The following MIA3 variants were observed in gnomAD, a reference collection of about 807,000 sequenced individuals.
MIA3 encodes MIA SH3 domain ER export factor 3, also known as transport and Golgi organization protein 1 homolog.
A neutral mutation model predicts 192.4 loss-of-function variants in MIA3; 90 were observed. That is an observed-to-expected ratio of 0.47 (90% CI 0.39 to 0.56). The LOEUF is 0.56. Among genes scored for constraint, MIA3 ranks in the 20% least tolerant of loss-of-function variants. The pLI is 0.00. For synonymous variants in MIA3, 740 were observed against 792.8 expected (o/e 0.93, Z 1.12); for missense variants, 2,123 against 2,269.4 (o/e 0.94, Z 1.31).
At position 222,618,262 on chromosome 1, in the gene MIA3, C is replaced by T. The variant is rs1401902256; in HGVS notation, c.133+19C>T. On this transcript the variant is annotated intron_variant, in intron 1 of 27. Transcript: ENST00000344922. ...TGCAGCAGTGAGTGCGCTGGAGGGG[C>T]GGCTGGCCTCGGGGCGGCTGGCCTT... 5.1e-6 allele frequency: 7 copies of T among 1,382,918 alleles called. No homozygotes were observed. The highest frequency in any genetic ancestry group is 6.7e-6 in the Non-Finnish European group (7 of 1,044,032). The allele number at this position is 1,382,918 out of a possible 1,614,324, so 85.7% of individuals were successfully genotyped here. A position where few individuals can be genotyped will look rare whatever the true frequency, so the allele number is the denominator to read the frequency against.
chr1:222,661,334 G>A (rs967351913), intron 24 of MIA3: 1 of 152,278 alleles, frequency 6.6e-6, no homozygotes, highest in Non-Finnish European at 1.5e-5. Context: ...GATTCATCTT[G>A]TAAACAGACC....
chr1:222,662,180 A>G, intron 25 of MIA3, 56 bp downstream of exon 25: 1 of 1,477,526 alleles, frequency 6.8e-7, no homozygotes, highest in Non-Finnish European at 9.3e-7. Context: ...TGGGGAGAGG[A>G]TTTTTTTTTT....
chr1:222,629,568 G>C lies in MIA3; in HGVS notation c.2348G>C (p.Ser783Thr). 1.2e-6 allele frequency: 2 copies of C among 1,614,034 alleles called. No individual in the cohort carries two copies. The highest frequency in any genetic ancestry group is 1.7e-6 in the Non-Finnish European group (2 of 1,179,980). The part of the protein sequence containing the change: ...PEIEESKQET[S>T]MILDSEKTSE... ...ATTGAAGAAAGCAAGCAAGAAACTA[G>C]TATGATTTTGGATAGCGAAAAAACA... Residue 783 changes from serine to threonine, a missense_variant, in exon 4 of 28, where the codon AGT becomes ACT. Coordinates refer to ENST00000344922, the MANE Select transcript of MIA3 (RefSeq NM_198551.4).
intron 24 of MIA3, 139 bp from the exon 25 acceptor site, chr1:222,661,917 G>A (rs544663900): frequency 1.2e-4 from 78 of 641,260 alleles, no homozygotes; most frequent in Non-Finnish European, 2.0e-4. Flanking sequence ...TGCATAAATT[G>A]TAAGTGATTT....
At chr1:222,626,480 T>C (rs1395493860) in intron 3 of MIA3, among the ~76,000 whole-genome samples, 1 of 152,212 alleles carries the variant, frequency 6.6e-6, no homozygotes, top group Non-Finnish European at 1.5e-5. Flanking sequence ...CACCAGAAGA[T>C]TGTGAATGTT....
At chr1:222,654,914 T>A in intron 18 of MIA3, 121 bp downstream of exon 18, 1 of 896,666 alleles carries the variant, frequency 1.1e-6, no homozygotes. Context: ...TTAGTATAAA[T>A]TTGTCTTTCT....
At chr1:222,643,757 TCC>T (rs1291255052) in intron 6 of MIA3, among the ~76,000 whole-genome samples, 11 of 151,544 alleles carry the variant, frequency 7.3e-5, no homozygotes, top group Middle Eastern at 6.8e-3. Context: ...ATAGGGAGAC[TCC>T]CTCCCCTTCC....
chr1:222,649,741 C>T (rs1265724241), intron 8 of MIA3: 4 of 154,908 alleles, frequency 2.6e-5, no homozygotes, highest in Admixed American at 6.4e-5. Context: ...AAACTCCAGC[C>T]TGGACAACAG....
chr1:222,629,827 G>C lies in MIA3; in HGVS notation c.2607G>C (p.Gly869=), dbSNP rs761013840. The C allele has an allele frequency of 2.5e-5, 40 of 1,613,766 alleles. No homozygotes were observed. The highest frequency in any genetic ancestry group is 3.4e-5 in the Non-Finnish European group (40 of 1,179,906). The change falls in exon 4 of 28, where the codon GGG becomes GGC. Residue 869 remains glycine, a synonymous_variant. Coordinates refer to ENST00000344922, the MANE Select transcript of MIA3 (RefSeq NM_198551.4). ...ATCTGAAGACCTCAGGGCTTGCAGG[G>C]GAGCCTGAGGGAGAACTCTCAAAAG... The part of the protein sequence containing the change: ...EEHLKTSGLA[G]EPEGELSKED...
In MIA3 at chr1:222,627,669, C is replaced by T; in HGVS notation, c.449C>T (p.Ala150Val). The change falls in exon 4 of 28, where the codon GCA becomes GTA. Residue 150 changes from alanine (A) to valine (V), a missense_variant. Ala to Val is a moderately conservative substitution (Grantham distance 64). Coordinates refer to ENST00000344922, the MANE Select transcript of MIA3 (RefSeq NM_198551.4). ...GGGTTTTTGGAACTGTACAATTCTG[C>T]AGCTACAGATTCTGAGAAAGCTGTA... ...LLGFLELYNS[A>V]ATDSEKAVEK... is the part of the protein sequence containing the mutation. The T allele has an allele frequency of 1.2e-6, 2 of 1,612,478 alleles. No individual in the cohort carries two copies. Among genetic ancestry groups the T allele is most frequent in the African/African-American group, 2.7e-5 (2 of 74,846 alleles).
At position 222,630,294 on chromosome 1, in the gene MIA3, T is replaced by C. The variant is rs1049120063; in HGVS notation, c.3074T>C (p.Ile1025Thr). 1.2e-6 allele frequency: 2 copies of C among 1,614,070 alleles called. No homozygotes were observed. Among genetic ancestry groups the C allele is most frequent in the African/African-American group, 2.7e-5 (2 of 74,910 alleles). The change falls in exon 4 of 28, where the codon ATC (isoleucine) becomes ACC (threonine). Residue 1025 changes from isoleucine (I) to threonine (T), a missense_variant. Ile to Thr is a moderately conservative substitution (Grantham distance 89). This residue lies in a region of MIA3 where 1,357 missense variants were observed against 1,396.1 expected (regional missense o/e 0.97). Coordinates refer to ENST00000344922, the MANE Select transcript of MIA3 (RefSeq NM_198551.4). The part of the protein sequence containing the change: ...AAVLDDIQDL[I>T]YFVRYKHSTA... ...GTGCTTGATGACATTCAAGACCTCA[T>C]CTATTTTGTCAGGTACAAGCACTCC...
Position 222,662,086 on chromosome 1 carries a change from G to C in MIA3, c.5144G>C (p.Arg1715Pro), listed in dbSNP as rs776966377. 1.9e-6 allele frequency: 3 copies of C among 1,613,932 alleles called. No individual in the cohort carries two copies. Among genetic ancestry groups the C allele is most frequent in the Admixed American group, 3.3e-5 (2 of 59,990 alleles). ...GTGGACGGGCCTCTACCTCATCCTC[G>C]ATGGTCAGCTGAGGCATCTGGGAAA... ...GSVDGPLPHP[R>P]WSAEASGKPS... is the part of the protein sequence containing the mutation. Residue 1715 changes from arginine (R) to proline (P), a missense_variant, in exon 25 of 28, where the codon CGA (arginine) becomes CCA (proline). Transcript: ENST00000344922.
chr1:222,644,315 A>G (rs547972731), intron 6 of MIA3: 4 of 1,441,976 alleles, frequency 2.8e-6, no homozygotes, highest in South Asian at 2.8e-5. Context: ...CGTGTTTTAT[A>G]GGCGGCATAA....
rs542345610 is a variant in MIA3, at chr1:222,619,955, C to T, written c.134-1204C>T. 1.1e-4 allele frequency among the ~76,000 whole-genome samples: 17 copies of T among 152,292 alleles called. No homozygotes were observed. The East Asian group carries it at 3.1e-3, about 28-fold the overall frequency. Reference sequence around the variant, plus strand: ...CATCTCAAATATTATTATAAATCCTCTATGATCTATTGTAAGGGGGAGCAA... The same window carrying T: ...CATCTCAAATATTATTATAAATCCTTTATGATCTATTGTAAGGGGGAGCAA... On this transcript the variant is annotated intron_variant, in intron 1 of 27. Transcript: ENST00000344922.
chr1:222,628,517 G>A lies in MIA3; in HGVS notation c.1297G>A (p.Asp433Asn). The change falls in exon 4 of 28, where the codon GAT becomes AAT. Residue 433 changes from aspartate to asparagine, a missense_variant. This residue lies in a region of MIA3 where 1,357 missense variants were observed against 1,396.1 expected (regional missense o/e 0.97). Coordinates refer to ENST00000344922, the MANE Select transcript of MIA3 (RefSeq NM_198551.4). ...SKQGKPQSATDYSDPDNVDDG... is the reference protein window; with the variant it reads ...SKQGKPQSATNYSDPDNVDDG... ...ACAGGGGAAACCACAGTCAGCAACA[G>A]ATTATAGTGACCCTGACAATGTAGA... 6.2e-7 allele frequency: 1 copy of A among 1,614,100 alleles called. No homozygotes were observed. Among genetic ancestry groups the A allele is most frequent in the Non-Finnish European group, 8.5e-7 (1 of 1,180,002 alleles).
At chr1:222,655,054 T>G (rs1663643804) in intron 18 of MIA3, among the ~76,000 whole-genome samples, 1 of 152,248 alleles carries the variant, frequency 6.6e-6, no homozygotes, top group South Asian at 2.1e-4. Flanking sequence ...GTGGGAGTGC[T>G]TCTCTTTTGA....
intron 25 of MIA3, 49 bp downstream of exon 25, chr1:222,662,173 G>T: frequency 6.2e-7 from 1 of 1,603,112 alleles, no homozygotes. Context: ...CAGGAAGTGG[G>T]GAGAGGATTT....
chr1:222,660,119 A>T, intron 23 of MIA3, 58 bp from the exon 24 acceptor site: 2 of 1,597,316 alleles, frequency 1.3e-6, no homozygotes, highest in Non-Finnish European at 8.5e-7. Context: ...TAATCCCAAG[A>T]ACTGAATAAA....
chr1:222,629,549 G>A lies in MIA3; in HGVS notation c.2329G>A (p.Glu777Lys). 1 of 1,613,832 alleles carries A rather than the reference G, an allele frequency of 6.2e-7. No individual in the cohort carries two copies. The highest frequency in any genetic ancestry group is 8.5e-7 in the Non-Finnish European group (1 of 1,179,928). Residue 777 changes from glutamate to lysine, a missense_variant, in exon 4 of 28, where the codon GAA becomes AAA. Physicochemically the swap from Glu to Lys is moderately conservative, Grantham distance 56. This residue lies in a region of MIA3 where 1,357 missense variants were observed against 1,396.1 expected (regional missense o/e 0.97). Coordinates refer to ENST00000344922, the MANE Select transcript of MIA3 (RefSeq NM_198551.4). ...CATTCATCCAGATCCAGAAATTGAA[G>A]AAAGCAAGCAAGAAACTAGTATGAT... is the stretch of plus-strand genomic sequence containing the variant. Reference protein sequence around the residue: ...GTIHPDPEIEESKQETSMILD... With the variant: ...GTIHPDPEIEKSKQETSMILD...
Sources: allele counts gnomAD v4.1 joint callset (sites outside exome capture counted in the v4.1 genomes callset), GRCh38; gene constraint gnomAD v4.1.1; regional missense constraint gnomAD v4.1.1; transcripts MANE v1.5; gene names NCBI Gene and HGNC (gene_info 2026-07-23, HGNC 2026-07-21).